ODAM: variants seen among roughly 807,000 people sequenced by gnomAD.
ODAM encodes the protein odontogenic ameloblast-associated protein.
ODAM carries 55 observed loss-of-function variants against 48.5 expected under a neutral mutation model. The ratio of observed to expected loss-of-function variants is 1.13; its 90% CI spans 0.91 to 1.42. The LOEUF (loss-of-function observed/expected upper bound fraction) is 1.42. ODAM is among the 40% of genes most tolerant of loss of function. ODAM has a pLI of 0.00. For synonymous variants in ODAM, 127 were observed against 107.8 expected, an observed-to-expected ratio of 1.18 and a Z score of -1.10; for missense variants, 353 against 323.6, an observed-to-expected ratio of 1.09 and a Z score of -0.70.
rs1168334257 is a variant in ODAM, at chr4:70,197,335, A to G, written c.141+14A>G. On this transcript the variant is annotated intron_variant, in intron 4 of 11. Coordinates refer to ENST00000683306, the MANE Select transcript of ODAM (RefSeq NM_017855.4). ...CTACAACTTCAGGTACCTCCATTTC[A>G]ATAATTACTTTATGGGGAATATTTA... is the stretch of plus-strand genomic sequence containing the variant. The G allele has an allele frequency of 2.2e-6, 3 of 1,358,748 alleles. No homozygotes were observed. The highest frequency in any genetic ancestry group is 3.2e-6 in the Non-Finnish European group (3 of 949,746). 84.2% of individuals were successfully genotyped at this position (1,358,748 alleles called of 1,614,324 possible). A position where few individuals can be genotyped will look rare whatever the true frequency, so the allele number is the denominator to read the frequency against.
intron 1 of ODAM, 124 bp from the exon 2 acceptor site, chr4:70,196,405 G>T (rs946975070): frequency 3.8e-6 from 2 of 531,056 alleles, no homozygotes; most frequent in Non-Finnish European, 3.3e-6. Context: ...ATTTTAAATT[G>T]CAAAATGTAA....
chr4:70,200,377 T>C (rs1729469235), intron 6 of ODAM, 120 bp from the exon 7 acceptor site: 3 of 580,640 alleles, frequency 5.2e-6, no homozygotes, highest in Admixed American at 3.3e-5. Flanking sequence ...GCTTTGTATT[T>C]AATCATATAA....
At chr4:70,196,456 A>G in intron 1 of ODAM, 73 bp from the exon 2 acceptor site, 1 of 811,464 alleles carries the variant, frequency 1.2e-6, no homozygotes, top group South Asian at 2.0e-5. Context: ...CTTTGATTGA[A>G]CAATACTAAT....
chr4:70,204,116 G>A (rs1008377805), intron 11 of ODAM, 59 bp from the exon 12 acceptor site: 2 of 151,878 alleles, frequency 1.3e-5, no homozygotes, highest in South Asian at 2.1e-4. Flanking sequence ...AAGATATCTA[G>A]GATGTTTTAT....
chr4:70,202,818 A>G lies in ODAM; in HGVS notation c.711A>G (p.Ala237=), dbSNP rs1278936652. 9.3e-6 allele frequency: 15 copies of G among 1,611,990 alleles called. No homozygotes were observed. The Admixed American group carries it at 2.3e-4, about 25-fold the overall frequency. The change falls in exon 10 of 12, where the codon GCA becomes GCG. Residue 237 remains alanine, a synonymous_variant. Coordinates refer to ENST00000683306, the MANE Select transcript of ODAM (RefSeq NM_017855.4). ...KEAINFRHDS[A]GVFMPSTSPK... is the part of the protein sequence containing the mutation. ...CGATCAACTTTAGACATGACAGTGC[A>G]GGAGTTTTCATGCCCTCAACTTCAC...
chr4:70,201,595 A>G, intron 8 of ODAM, 94 bp downstream of exon 8: 1 of 739,020 alleles, frequency 1.4e-6, no homozygotes, highest in Admixed American at 2.2e-5. Context: ...AAAGATGACC[A>G]GGAGCGCACC....
intron 6 of ODAM, among the ~76,000 whole-genome samples, chr4:70,199,066 G>A (rs1225068807): frequency 6.6e-6 from 1 of 151,966 alleles, no homozygotes; most frequent in African/African-American, 2.4e-5. Flanking sequence ...TTATTTGGCT[G>A]TTATGAAATT....
intron 6 of ODAM, among the ~76,000 whole-genome samples, chr4:70,199,531 T>C (rs1211491203): frequency 4.6e-5 from 7 of 152,048 alleles, no homozygotes; most frequent in Admixed American, 2.0e-4. Flanking sequence ...TGAAAGTAAA[T>C]AGCTGAGTTG....
At chr4:70,202,166 G>A (rs1729510568) in intron 8 of ODAM, 92 bp from the exon 9 acceptor site, 2 of 819,084 alleles carry the variant, frequency 2.4e-6, no homozygotes, top group South Asian at 1.5e-5. Flanking sequence ...AGAAGTTTGG[G>A]AGTGTTTTAC....
In ODAM at chr4:70,195,837, T is replaced by C. The variant is rs565005981; in HGVS notation, c.-16+44T>C. 25 of 790,396 alleles carry C rather than the reference T, an allele frequency of 3.2e-5. No homozygotes were observed. The East Asian group carries it at 2.9e-3, about 92-fold the overall frequency. 49.0% of individuals were successfully genotyped at this position (790,396 alleles called of 1,614,324 possible). The stretch of plus-strand genomic sequence containing the variant: ...GCTTTTATAGTTTGAAGAACCAAAA[T>C]CAGTGAAATCTGCAGGATAGACTAT... On this transcript the variant is annotated intron_variant, in intron 1 of 11. Coordinates refer to ENST00000683306, the MANE Select transcript of ODAM (RefSeq NM_017855.4).
At position 70,202,753 on chromosome 4, in the gene ODAM, T is replaced by C. The variant is rs2109820837; in HGVS notation, c.649-3T>C. ...ACTTTGTTTTCATTCTCATTCTCTG[T>C]AGTCAACAGGAGAAGAGATACCATA... On this transcript the variant is annotated splice_polypyrimidine_tract_variant and splice_region_variant and intron_variant, in intron 9 of 11. Coordinates refer to ENST00000683306, the MANE Select transcript of ODAM (RefSeq NM_017855.4). 1 of 1,602,822 alleles carries C rather than the reference T, an allele frequency of 6.2e-7. No individual in the cohort carries two copies. Among genetic ancestry groups the C allele is most frequent in the Non-Finnish European group, 8.5e-7 (1 of 1,175,008 alleles).
intron 5 of ODAM, 103 bp downstream of exon 5, chr4:70,198,260 A>G (rs2109816340): frequency 1.1e-6 from 1 of 952,146 alleles, no homozygotes; most frequent in Non-Finnish European, 1.6e-6. Context: ...TTTTTGAACA[A>G]TATTTTTTCT....
intron 9 of ODAM, 141 bp downstream of exon 9, chr4:70,202,470 G>A (rs534325627): frequency 4.2e-5 from 32 of 763,876 alleles, no homozygotes; most frequent in African/African-American, 4.2e-4. Flanking sequence ...TATTTTGCCA[G>A]TAAAGATTCA....
intron 3 of ODAM, among the ~76,000 whole-genome samples, chr4:70,197,064 C>A (rs987040257): frequency 6.6e-6 from 1 of 151,994 alleles, no homozygotes; most frequent in Non-Finnish European, 1.5e-5. Context: ...CAATCTCATA[C>A]CCAACAGAGG....
intron 9 of ODAM, 67 bp from the exon 10 acceptor site, chr4:70,202,689 A>T: frequency 8.1e-7 from 1 of 1,231,470 alleles, no homozygotes; most frequent in Non-Finnish European, 1.2e-6. Context: ...GTTGCTTTAC[A>T]TTCTTCCCAA....
intron 6 of ODAM, 97 bp from the exon 7 acceptor site, chr4:70,200,400 T>A: frequency 4.7e-6 from 3 of 636,596 alleles, no homozygotes; most frequent in South Asian, 2.1e-5. Context: ...CTGCTAGACA[T>A]AAAACAGCTT....
intron 6 of ODAM, 25 bp downstream of exon 6, chr4:70,198,651 C>T (rs1380298066): frequency 3.2e-6 from 5 of 1,581,510 alleles, no homozygotes; most frequent in Non-Finnish European, 4.3e-6. Context: ...CAACACTGCC[C>T]ATAGAGATGG....
chr4:70,196,659 T>C lies in ODAM; in HGVS notation c.52-33T>C, dbSNP rs756956184. The C allele has an allele frequency of 1.2e-5, 20 of 1,602,576 alleles. No homozygotes were observed. The East Asian group carries it at 4.5e-4, about 36-fold the overall frequency. On this transcript the variant is annotated intron_variant, in intron 2 of 11. Transcript: ENST00000683306. ...ACCTTCAACAATCCCTTCTTTTTAC[T>C]ATTTCTGATTTTTTTTTCATTTTTA...
At position 70,202,831 on chromosome 4, in the gene ODAM, C is replaced by A. The variant is rs757855562; in HGVS notation, c.724C>A (p.Pro242Thr). 5 of 1,611,820 alleles carry A rather than the reference C, an allele frequency of 3.1e-6. No individual in the cohort carries two copies. In the South Asian group the frequency reaches 5.5e-5, roughly 18 times the overall value. The stretch of plus-strand genomic sequence containing the variant: ...ACATGACAGTGCAGGAGTTTTCATG[C>A]CCTCAACTTCACCAAAACCCAGCAC... Reference protein sequence around the residue: ...FRHDSAGVFMPSTSPKPSTTN... With the variant: ...FRHDSAGVFMTSTSPKPSTTN... The change falls in exon 10 of 12, where the codon CCC becomes ACC. Residue 242 changes from proline to threonine, a missense_variant. Pro to Thr is a conservative substitution (Grantham distance 38, BLOSUM62 -1). Transcript: ENST00000683306.
Sources: allele counts gnomAD v4.1 joint callset (sites outside exome capture counted in the v4.1 genomes callset), GRCh38; gene constraint gnomAD v4.1.1; transcripts MANE v1.5; gene names NCBI Gene and HGNC (gene_info 2026-07-23, HGNC 2026-07-21).